HBS1L: variants seen among roughly 807,000 people sequenced by gnomAD.
HBS1L encodes HBS1 like translational GTPase.
A neutral mutation model predicts 88.9 loss-of-function variants in HBS1L; 55 were observed. That is an observed-to-expected ratio of 0.62 (90% CI 0.50 to 0.77). HBS1L has a LOEUF of 0.77. Ranked by LOEUF, HBS1L falls within the 30% of genes least tolerant of loss-of-function variation. The probability of loss-of-function intolerance (pLI) is 0.00; values close to 1 mark genes in which losing one functional copy is unlikely to be tolerated. For synonymous variants in HBS1L, 267 were observed against 288.5 expected (o/e 0.93, Z 0.76); for missense variants, 741 against 829.3 (o/e 0.89, Z 1.31).
At position 134,964,822 on chromosome 6, in the gene HBS1L, G is replaced by GA. The variant is rs57393645; in HGVS notation, c.*456dup. 6,955 of 84,318 alleles carry GA rather than the reference G, an allele frequency of 0.082. 559 individuals carry two copies. The highest frequency in any genetic ancestry group is 0.23 in the African/African-American group (5,268 of 23,230). The allele number at this position is 84,318 out of a possible 1,614,324, so 5.2% of individuals were successfully genotyped here. On this transcript the variant is annotated 3_prime_UTR_variant, in exon 18 of 18. Transcript: ENST00000367837. ...CCAAATCTTTTCTTAGCATTAACTG[G>GA]AAAAAAAAAAAAAAAAAAAGCTTAG... is the stretch of plus-strand genomic sequence containing the variant.
At chr6:134,988,463 A>G (rs1775042893) in intron 8 of HBS1L, among the ~76,000 whole-genome samples, 1 of 151,916 alleles carries the variant, frequency 6.6e-6, no homozygotes, top group Non-Finnish European at 1.5e-5. Flanking sequence ...AAAACATAAA[A>G]AACCCCAAAA....
At chr6:135,008,563 C>G (rs1439591395) in intron 4 of HBS1L, among the ~76,000 whole-genome samples, 1 of 152,184 alleles carries the variant, frequency 6.6e-6, no homozygotes, top group Non-Finnish European at 1.5e-5. Context: ...CTTCCTGCGG[C>G]TAAGATCTAA....
chr6:134,975,842 T>C (rs914218245), intron 15 of HBS1L, among the ~76,000 whole-genome samples: 13 of 152,024 alleles, frequency 8.6e-5, no homozygotes, highest in Non-Finnish European at 1.0e-4. Flanking sequence ...CTTCTGGACA[T>C]TGGCCTAGGT....
intron 12 of HBS1L, among the ~76,000 whole-genome samples, chr6:134,984,230 C>T (rs1774915398): frequency 6.6e-6 from 1 of 152,112 alleles, no homozygotes; most frequent in African/African-American, 2.4e-5. Flanking sequence ...ACACTGGAAG[C>T]TAATAATGAT....
In HBS1L at chr6:135,054,772, A is replaced by C. The variant is rs570785965; in HGVS notation, c.-81T>G. The stretch of plus-strand genomic sequence containing the variant: ...TAGATACTGATAAGGCGCCAACTGC[A>C]GCCTGGAGAACCCCTATGCGCCATC... On this transcript the variant is annotated 5_prime_UTR_variant, in exon 1 of 18. Coordinates refer to ENST00000367837, the MANE Select transcript of HBS1L (RefSeq NM_006620.4). The C allele has an allele frequency of 3.2e-6, 5 of 1,540,546 alleles. No individual in the cohort carries two copies. The African/African-American group carries it at 4.1e-5, about 13-fold the overall frequency.
intron 4 of HBS1L, among the ~76,000 whole-genome samples, chr6:135,023,790 C>T (rs539772796): frequency 2.5e-4 from 38 of 152,260 alleles, no homozygotes; most frequent in Middle Eastern, 6.8e-3. Flanking sequence ...CCAAGCAATA[C>T]TTTTAAACAA....
Position 134,964,822 on chromosome 6 carries a change from GAA to G in HBS1L, c.*455_*456del, listed in dbSNP as rs57393645. ...CCAAATCTTTTCTTAGCATTAACTG[GAA>G]AAAAAAAAAAAAAAAAAGCTTAGGT... is the stretch of plus-strand genomic sequence containing the variant. On this transcript the variant is annotated 3_prime_UTR_variant, in exon 18 of 18. Coordinates refer to ENST00000367837, the MANE Select transcript of HBS1L (RefSeq NM_006620.4). 2.7e-4 allele frequency: 23 copies of G among 84,380 alleles called. No individual in the cohort carries two copies. The highest frequency in any genetic ancestry group is 3.8e-4 in the Non-Finnish European group (16 of 42,460). The allele number at this position is 84,380 out of a possible 1,614,324, so 5.2% of individuals were successfully genotyped here.
intron 15 of HBS1L, among the ~76,000 whole-genome samples, chr6:134,970,971 G>T (rs1583056919): frequency 6.6e-6 from 1 of 152,136 alleles, no homozygotes; most frequent in East Asian, 1.9e-4. Flanking sequence ...AATGCTGTTT[G>T]TAGAAACATT....
chr6:134,995,920 AT>A (rs1775276638), intron 7 of HBS1L, among the ~76,000 whole-genome samples: 1 of 152,096 alleles, frequency 6.6e-6, no homozygotes, highest in Non-Finnish European at 1.5e-5. Context: ...GCGTTACCTT[AT>A]ATGTTTATAA....
intron 15 of HBS1L, among the ~76,000 whole-genome samples, chr6:134,971,652 A>C (rs918410127): frequency 6.6e-6 from 1 of 152,206 alleles, no homozygotes; most frequent in Non-Finnish European, 1.5e-5. Flanking sequence ...GTGACTGCAC[A>C]CTATCTCAAT....
At chr6:135,046,631 G>A (rs1465122836) in intron 2 of HBS1L, among the ~76,000 whole-genome samples, 1 of 152,172 alleles carries the variant, frequency 6.6e-6, no homozygotes, top group African/African-American at 2.4e-5. Flanking sequence ...GGCCGACACA[G>A]GAGGATCACT....
intron 14 of HBS1L, 98 bp from the exon 15 acceptor site, chr6:134,978,885 A>T (rs1774732472): frequency 1.3e-6 from 1 of 746,256 alleles, no homozygotes; most frequent in Non-Finnish European, 2.3e-6. Flanking sequence ...TAAAACAATT[A>T]AGTAAATTAG....
rs922925473 is a variant in HBS1L at position 134,972,787 on chromosome 6, T to A, written c.1798-3449A>T. On this transcript the variant is annotated intron_variant, in intron 15 of 17. Transcript: ENST00000367837. ...TTTAAAAAGACATTTCTCAAAGATA[T>A]ACAAATGGCCAATAAGCACATGAAA... Among the ~76,000 whole-genome samples the A allele has an allele frequency of 3.3e-5, 5 of 152,282 alleles. No individual in the cohort carries two copies. The South Asian group carries it at 1.0e-3, about 32-fold the overall frequency.
At chr6:134,992,010 G>A (rs149180592) in intron 8 of HBS1L, among the ~76,000 whole-genome samples, 1 of 152,352 alleles carries the variant, frequency 6.6e-6, no homozygotes, top group African/African-American at 2.4e-5. Flanking sequence ...TGTGGATGCA[G>A]TGACTGGTGA....
intron 2 of HBS1L, among the ~76,000 whole-genome samples, chr6:135,047,063 G>T (rs73774556): frequency 1.3e-5 from 2 of 152,064 alleles, no homozygotes; most frequent in African/African-American, 2.4e-5. Context: ...TGGCTTCTTG[G>T]TGTGTTTGAA....
At chr6:135,045,742 T>C (rs13191501) in intron 2 of HBS1L, among the ~76,000 whole-genome samples, 79,457 of 151,692 alleles carry the variant, frequency 0.52, 20,923 homozygotes, top group South Asian at 0.57. Context: ...GGCTGAGGCG[T>C]GAGAACTGCT....
At chr6:134,983,582 T>G (rs1002671828) in intron 12 of HBS1L, 1 of 152,116 alleles carries the variant, frequency 6.6e-6, no homozygotes, top group Admixed American at 6.6e-5. Context: ...AGAAGTTGCA[T>G]TCCGGGGGGA....
chr6:134,988,145 CCTGAGGTCAGGAGTT>C (rs1032956587), intron 8 of HBS1L, among the ~76,000 whole-genome samples: 1 of 152,096 alleles, frequency 6.6e-6, no homozygotes, highest in African/African-American at 2.4e-5. Context: ...AGGCAGATCA[CCTGAGGTCAGGAGTT>C]CGAGACCAGC....
rs1218765871 is a variant in HBS1L, at chr6:135,013,307, CTTCT to C, written c.431-10469_431-10466del. On this transcript the variant is annotated intron_variant, in intron 4 of 17. Transcript: ENST00000367837. ...TCTCTGCCAGTCACCAAAATGCCAA[CTTCT>C]TTTTCTCATGTGATACCAGGACATT... Among the ~76,000 whole-genome samples the C allele has an allele frequency of 3.3e-5, 5 of 152,352 alleles. No homozygotes were observed. The East Asian group carries it at 7.7e-4, about 23-fold the overall frequency.
Sources: gnomAD v4.1 joint callset for allele counts (sites outside exome capture counted in the v4.1 genomes callset) on GRCh38, gnomAD v4.1.1 for gene constraint, MANE v1.5 for transcripts, NCBI Gene and HGNC (gene_info 2026-07-23, HGNC 2026-07-21) for gene names.